KIF16B: variants seen among roughly 807,000 people sequenced by gnomAD.
The protein encoded by KIF16B is kinesin-like protein KIF16B.
Under a neutral mutation model 156.3 loss-of-function variants are expected in KIF16B, and 98 were observed. That is an observed-to-expected ratio of 0.63 (90% CI 0.53 to 0.74). The LOEUF is 0.74. Ranked by LOEUF, KIF16B falls within the 30% of genes least tolerant of loss-of-function variation. KIF16B has a pLI of 0.00. For synonymous variants in KIF16B, 564 were observed against 583.7 expected, an observed-to-expected ratio of 0.97 and a Z score of 0.49; for missense variants, 1,421 against 1,606.5, an observed-to-expected ratio of 0.88 and a Z score of 1.97.
chr20:16,319,529 T>G (rs2063744527), intron 24 of KIF16B, among the ~76,000 whole-genome samples: 1 of 152,220 alleles, frequency 6.6e-6, no homozygotes, highest in Admixed American at 6.5e-5. Flanking sequence ...GGCAAACTAC[T>G]GCCCTCAGAC....
At chr20:16,571,855 T>A (rs993993749) in intron 1 of KIF16B, among the ~76,000 whole-genome samples, 1 of 152,118 alleles carries the variant, frequency 6.6e-6, no homozygotes, top group Non-Finnish European at 1.5e-5. Flanking sequence ...GGTCTCCATC[T>A]CTTGACCTTG....
At chr20:16,350,744 A>C (rs912741467) in intron 23 of KIF16B, among the ~76,000 whole-genome samples, 5 of 151,526 alleles carry the variant, frequency 3.3e-5, no homozygotes, top group Non-Finnish European at 5.9e-5. Context: ...GCGGGGGGGA[A>C]GTTTACAAAG....
intron 7 of KIF16B, among the ~76,000 whole-genome samples, chr20:16,506,824 G>A (rs1230932577): frequency 6.6e-6 from 1 of 152,054 alleles, no homozygotes; most frequent in African/African-American, 2.4e-5. Flanking sequence ...GCCAGACCCA[G>A]CAGCTTATGC....
chr20:16,486,797 C>T (rs546076193), intron 12 of KIF16B, among the ~76,000 whole-genome samples: 8 of 152,280 alleles, frequency 5.3e-5, no homozygotes, highest in African/African-American at 1.9e-4. Flanking sequence ...AGGTCAGAAG[C>T]ATCAAATGCC....
rs574726653 is a variant in KIF16B at position 16,511,377 on chromosome 20, A to G, written c.556+41T>C. 1.4e-4 allele frequency: 154 copies of G among 1,080,340 alleles called. 3 individuals carry two copies. The South Asian group carries it at 2.2e-3, about 16-fold the overall frequency. 66.9% of individuals were successfully genotyped at this position (1,080,340 alleles called of 1,614,324 possible). On this transcript the variant is annotated intron_variant, in intron 6 of 25. Coordinates refer to ENST00000354981, the MANE Select transcript of KIF16B (RefSeq NM_024704.5). ...TTCATTGAAAGTGTTATTTTTACAT[A>G]GATCACAAAAAGAATATGGCTGTGA...
chr20:16,290,928 A>T (rs1344894021), intron 25 of KIF16B, among the ~76,000 whole-genome samples: 3 of 152,230 alleles, frequency 2.0e-5, no homozygotes, highest in Non-Finnish European at 4.4e-5. Flanking sequence ...AATGCAAATT[A>T]AAAAGTTCCT....
chr20:16,294,663 G>T (rs1463995987), intron 25 of KIF16B, among the ~76,000 whole-genome samples: 1 of 151,088 alleles, frequency 6.6e-6, no homozygotes, highest in Admixed American at 6.6e-5. Flanking sequence ...AAAGGGTGAG[G>T]GAGAAAAGCT....
chr20:16,305,871 C>T (rs1231029207), intron 25 of KIF16B, among the ~76,000 whole-genome samples: 2 of 152,086 alleles, frequency 1.3e-5, no homozygotes, highest in South Asian at 2.1e-4. Context: ...AATAATATTC[C>T]ATTGTGTATA....
At chr20:16,317,643 C>T (rs1039332468) in intron 24 of KIF16B, among the ~76,000 whole-genome samples, 1 of 152,184 alleles carries the variant, frequency 6.6e-6, no homozygotes, top group African/African-American at 2.4e-5. Context: ...GTTCCTCTCA[C>T]CTTCTTCAAA....
chr20:16,457,531 T>C (rs1600448406), intron 12 of KIF16B, among the ~76,000 whole-genome samples: 1 of 152,312 alleles, frequency 6.6e-6, no homozygotes, highest in East Asian at 1.9e-4. Flanking sequence ...GGGTCCTGAA[T>C]ACATCCAGCT....
chr20:16,355,911 G>A (rs1001982065), intron 23 of KIF16B, among the ~76,000 whole-genome samples: 12 of 152,210 alleles, frequency 7.9e-5, no homozygotes, highest in South Asian at 6.2e-4. Flanking sequence ...TGATATTCCT[G>A]TGACATAAAT....
At chr20:16,327,373 C>T (rs971109246) in intron 24 of KIF16B, among the ~76,000 whole-genome samples, 2 of 151,966 alleles carry the variant, frequency 1.3e-5, no homozygotes, top group African/African-American at 4.8e-5. Context: ...ATACCAAAAT[C>T]TCAGAAATCG....
intron 25 of KIF16B, among the ~76,000 whole-genome samples, chr20:16,275,352 G>A (rs1355487109): frequency 6.6e-6 from 1 of 152,128 alleles, no homozygotes; most frequent in Non-Finnish European, 1.5e-5. Context: ...CACTGCGCCC[G>A]GCCAGATAAA....
intron 12 of KIF16B, among the ~76,000 whole-genome samples, chr20:16,437,989 TA>T (rs34636449): frequency 1.1e-3 from 104 of 99,024 alleles, no homozygotes; most frequent in East Asian, 3.3e-3. Flanking sequence ...AAAAAAATAA[TA>T]AAAAAAAAAA....
intron 11 of KIF16B, among the ~76,000 whole-genome samples, chr20:16,494,829 C>CCA (rs757974272): frequency 0.23 from 34,390 of 151,804 alleles, 4,448 homozygotes; most frequent in East Asian, 0.36. Context: ...TTATAAACCT[C>CCA]ATTCTATCTT....
At chr20:16,371,463 C>T (rs2064816372) in intron 21 of KIF16B, among the ~76,000 whole-genome samples, 3 of 151,726 alleles carry the variant, frequency 2.0e-5, no homozygotes, top group South Asian at 4.2e-4. Context: ...TGGTGGCAGG[C>T]GCCTATAGTC....
At chr20:16,528,546 T>C in intron 1 of KIF16B, 106 bp from the exon 2 acceptor site, 1 of 816,750 alleles carries the variant, frequency 1.2e-6, no homozygotes, top group South Asian at 1.5e-5. Context: ...GGAGTTTATT[T>C]TCAAATGGCA....
At chr20:16,555,009 G>C (rs749743323) in intron 1 of KIF16B, among the ~76,000 whole-genome samples, 15 of 152,246 alleles carry the variant, frequency 9.9e-5, no homozygotes, top group Non-Finnish European at 1.9e-4. Context: ...ATGGGATCCA[G>C]GCTGGTAGCA....
intron 25 of KIF16B, among the ~76,000 whole-genome samples, chr20:16,293,669 G>A (rs1017181676): frequency 2.6e-5 from 4 of 152,186 alleles, no homozygotes; most frequent in African/African-American, 9.7e-5. Context: ...GGGAGCTGCG[G>A]TGTGGCTCAG....
Sources: gnomAD v4.1 joint callset for allele counts (sites outside exome capture counted in the v4.1 genomes callset) on GRCh38, gnomAD v4.1.1 for gene constraint, MANE v1.5 for transcripts, NCBI Gene and HGNC (gene_info 2026-07-23, HGNC 2026-07-21) for gene names.